Variants in SH2D1A observed in about 807,000 individuals in gnomAD.
The protein encoded by SH2D1A is SH2 domain containing 1A.
Under a neutral mutation model 10.1 loss-of-function variants are expected in SH2D1A, and 6 were observed. The observed-to-expected ratio is 0.60, with a 90% CI of 0.33 to 1.18. The LOEUF (loss-of-function observed/expected upper bound fraction) is 1.18, where lower values mean the gene tolerates loss of function less well. SH2D1A is among the 50% of genes most tolerant of loss of function. The pLI is 0.04. For synonymous variants in SH2D1A, 42 were observed against 36.9 expected (o/e 1.14, Z -0.51); for missense variants, 51 against 97.6 (o/e 0.52, Z 2.01).
intron 1 of SH2D1A, among the ~76,000 whole-genome samples, chrX:124,364,786 T>A (rs779056108): frequency 1.8e-5 from 2 of 111,465 alleles, no homozygotes; most frequent in Non-Finnish European, 3.8e-5. Context: ...ATAAATTTAG[T>A]GTAGCCTAAG....
intron 3 of SH2D1A, among the ~76,000 whole-genome samples, chrX:124,371,133 T>C (rs2060068276): frequency 8.9e-6 from 1 of 111,863 alleles, no homozygotes; most frequent in East Asian, 2.8e-4. Flanking sequence ...ATAATACAAA[T>C]GCAAATAGAG....
At chrX:124,357,162 T>C (rs1403356683) in intron 1 of SH2D1A, among the ~76,000 whole-genome samples, 1 of 111,811 alleles carries the variant, frequency 8.9e-6, no homozygotes, top group Non-Finnish European at 1.9e-5. Flanking sequence ...GAGCCCCTGG[T>C]AGCCACCCAC....
chrX:124,361,965 G>T (rs750957724), intron 1 of SH2D1A, among the ~76,000 whole-genome samples: 443 of 111,681 alleles, frequency 4.0e-3, no homozygotes, highest in Non-Finnish European at 7.4e-3. Flanking sequence ...GGTGTGGCTG[G>T]ACTATCTGTC....
chrX:124,359,844 G>C (rs1403803061), intron 1 of SH2D1A, among the ~76,000 whole-genome samples: 1 of 111,699 alleles, frequency 9.0e-6, no homozygotes. Flanking sequence ...AATCTGAATA[G>C]TGTGTTTCAG....
intron 1 of SH2D1A, among the ~76,000 whole-genome samples, chrX:124,363,952 G>T (rs1422955257): frequency 1.1e-5 from 1 of 94,878 alleles, no homozygotes; most frequent in African/African-American, 3.9e-5. Context: ...GTATAGCACA[G>T]ACAATTACAT....
At chrX:124,357,668 A>G (rs1207964181) in intron 1 of SH2D1A, among the ~76,000 whole-genome samples, 1 of 111,813 alleles carries the variant, frequency 8.9e-6, no homozygotes, top group Non-Finnish European at 1.9e-5. Flanking sequence ...TTTTGATAAT[A>G]ACCATCCTAA....
At chrX:124,349,639 C>T (rs1401325533) in intron 1 of SH2D1A, among the ~76,000 whole-genome samples, 1 of 110,875 alleles carries the variant, frequency 9.0e-6, no homozygotes, top group Non-Finnish European at 1.9e-5. Flanking sequence ...ATTTCATATG[C>T]CTTCAAACTG....
In SH2D1A at chrX:124,346,765, C is replaced by T. The variant is rs1208526451; in HGVS notation, c.123C>T (p.Tyr41=). The T allele has an allele frequency of 8.3e-7, 1 of 1,210,100 alleles. No homozygotes were observed. The highest frequency in any genetic ancestry group is 1.7e-5 in the African/African-American group (1 of 57,359). The change falls in exon 1 of 4, where the codon TAC becomes TAT. Residue 41 remains tyrosine (Y), a synonymous_variant. Transcript: ENST00000371139. The part of the protein sequence containing the change: ...LRDSESVPGV[Y]CLCVLYHGYI... ...ACAGCGAGAGCGTGCCAGGCGTGTA[C>T]TGCCTATGTGTGCTGTGAGTATGAT... is the stretch of plus-strand genomic sequence containing the variant.
intron 1 of SH2D1A, among the ~76,000 whole-genome samples, chrX:124,362,682 G>A (rs762090491): frequency 9.0e-6 from 1 of 111,508 alleles, no homozygotes; most frequent in Admixed American, 9.5e-5. Context: ...AATTTCTTTT[G>A]AGGCCGTTGG....
intron 2 of SH2D1A, among the ~76,000 whole-genome samples, 155 bp from the exon 3 acceptor site, chrX:124,370,021 C>T (rs773086244): frequency 9.0e-6 from 1 of 111,701 alleles, no homozygotes; most frequent in South Asian, 3.7e-4. Context: ...AAAGTAAGCT[C>T]TTCTGGAATG....
At chrX:124,366,921 G>C (rs1316536580) in intron 2 of SH2D1A, among the ~76,000 whole-genome samples, 1 of 84,835 alleles carries the variant, frequency 1.2e-5, no homozygotes, top group African/African-American at 4.2e-5. Context: ...ACACACACAC[G>C]TTTGTATATT....
chrX:124,365,903 T>G, intron 2 of SH2D1A, 79 bp downstream of exon 2: 1 of 604,032 alleles, frequency 1.7e-6, no homozygotes, highest in Non-Finnish European at 2.9e-6. Flanking sequence ...AAAGAGCAAA[T>G]TATACATTAT....
chrX:124,346,846 AG>A, intron 1 of SH2D1A, 67 bp downstream of exon 1: 1 of 1,174,290 alleles, frequency 8.5e-7, no homozygotes, highest in Non-Finnish European at 1.2e-6. Context: ...AGCTGGGGCC[AG>A]GGTGGAGGCC....
rs892749983 is a variant in SH2D1A, at chrX:124,371,558, A to C, written c.*167A>C. ...CGTCAAAGCTGAAATGGACTTTTGT[A>C]CATAGTGAGGAGCTTTGAAACGAGG... On this transcript the variant is annotated 3_prime_UTR_variant, in exon 4 of 4. Coordinates refer to ENST00000371139, the MANE Select transcript of SH2D1A (RefSeq NM_002351.5). 1.9e-5 allele frequency: 6 copies of C among 324,109 alleles called. No individual in the cohort carries two copies. The highest frequency in any genetic ancestry group is 3.2e-5 in the Non-Finnish European group (6 of 184,839). 26.7% of individuals were successfully genotyped at this position (324,109 alleles called of 1,213,427 possible).
intron 1 of SH2D1A, among the ~76,000 whole-genome samples, chrX:124,356,008 C>G (rs748006543): frequency 1.1e-4 from 12 of 107,970 alleles, no homozygotes; most frequent in Admixed American, 8.9e-4. Flanking sequence ...TGTGCTGCAC[C>G]CATTAACTCA....
At chrX:124,348,453 G>C (rs2059999487) in intron 1 of SH2D1A, among the ~76,000 whole-genome samples, 1 of 111,344 alleles carries the variant, frequency 9.0e-6, no homozygotes, top group African/African-American at 3.3e-5. Context: ...GCCTCACGGG[G>C]CTCCTGGCCG....
At position 124,372,729 on chromosome X, in the gene SH2D1A, G is replaced by C; in HGVS notation, c.*1338G>C. On this transcript the variant is annotated 3_prime_UTR_variant, in exon 4 of 4. Transcript: ENST00000371139. ...AATTCTGGATTGTGTATGGGTGTTG[G>C]TGAACTTGGTTTTAATTAGTGAACT... 5.9e-6 allele frequency: 1 copy of C among 168,257 alleles called. No individual in the cohort carries two copies. Among genetic ancestry groups the C allele is most frequent in the East Asian group, 8.6e-5 (1 of 11,604 alleles). The allele number at this position is 168,257 out of a possible 1,213,427, so 13.9% of individuals were successfully genotyped here.
chrX:124,364,817 C>G (rs1222085381), intron 1 of SH2D1A, among the ~76,000 whole-genome samples: 4 of 111,276 alleles, frequency 3.6e-5, no homozygotes, highest in Non-Finnish European at 7.5e-5. Flanking sequence ...TCATAACATT[C>G]TAGTAGTGTA....
intron 1 of SH2D1A, 117 bp from the exon 2 acceptor site, chrX:124,365,644 G>A: frequency 1.9e-6 from 1 of 536,262 alleles, no homozygotes; most frequent in South Asian, 2.8e-5. Flanking sequence ...TGAATGCAAT[G>A]ACACCATATA....
Sources: allele counts gnomAD v4.1 joint callset (sites outside exome capture counted in the v4.1 genomes callset), GRCh38; gene constraint gnomAD v4.1.1; transcripts MANE v1.5; gene names NCBI Gene and HGNC (gene_info 2026-07-23, HGNC 2026-07-21).